PODN: variants seen among roughly 807,000 people sequenced by gnomAD.
PODN encodes podocan, also known as podocan proteoglycan.
PODN carries 40 observed loss-of-function variants against 52.7 expected under a neutral mutation model. That is an observed-to-expected ratio of 0.76 (90% confidence interval 0.59 to 0.99). PODN has a LOEUF of 0.99. Ranked by LOEUF, PODN falls within the 50% of genes least tolerant of loss-of-function variation. The pLI is 0.00. For synonymous variants in PODN, 396 were observed against 377.9 expected (o/e 1.05, Z -0.56); for missense variants, 720 against 815.1 (o/e 0.88, Z 1.42).
intron 3 of PODN, among the ~76,000 whole-genome samples, chr1:53,072,170 C>A (rs2150297563): frequency 6.6e-6 from 1 of 151,530 alleles, no homozygotes; most frequent in East Asian, 1.9e-4. Context: ...AGTTTTAAAG[C>A]ATTCACTTAC....
intron 1 of PODN, among the ~76,000 whole-genome samples, chr1:53,064,985 A>G (rs1167675014): frequency 6.6e-6 from 1 of 152,192 alleles, no homozygotes; most frequent in African/African-American, 2.4e-5. Flanking sequence ...CCTGGAGACC[A>G]GGGAGCTCCC....
At chr1:53,069,711 G>A (rs938541730) in intron 1 of PODN, 90 bp from the exon 2 acceptor site, 76 of 1,475,068 alleles carry the variant, frequency 5.2e-5, no homozygotes, top group Non-Finnish European at 6.7e-5. Context: ...GCTGGGCTCT[G>A]AGGACAGTCC....
chr1:53,082,776 C>T (rs1379546365), intron 10 of PODN, among the ~76,000 whole-genome samples: 3 of 152,194 alleles, frequency 2.0e-5, no homozygotes, highest in South Asian at 2.1e-4. Context: ...AGGCAGAACA[C>T]ACACACCACA....
intron 4 of PODN, among the ~76,000 whole-genome samples, chr1:53,075,172 A>G (rs749281961): frequency 6.6e-6 from 1 of 152,192 alleles, no homozygotes; most frequent in Non-Finnish European, 1.5e-5. Flanking sequence ...TCCCATCTGC[A>G]TCATGGCCAT....
intron 1 of PODN, among the ~76,000 whole-genome samples, chr1:53,067,398 C>A (rs562890512): frequency 2.2e-4 from 34 of 152,238 alleles, no homozygotes; most frequent in Middle Eastern, 3.4e-3. Flanking sequence ...CTGTTGTCCC[C>A]TCCAGATGGA....
intron 1 of PODN, among the ~76,000 whole-genome samples, chr1:53,062,525 TCTC>T (rs1643973089): frequency 6.6e-6 from 1 of 152,128 alleles, no homozygotes; most frequent in Non-Finnish European, 1.5e-5. Flanking sequence ...GCAGGGGCCT[TCTC>T]CTCTCTGAGC....
At chr1:53,064,119 A>G (rs1157693465) in intron 1 of PODN, among the ~76,000 whole-genome samples, 1 of 152,268 alleles carries the variant, frequency 6.6e-6, no homozygotes, top group East Asian at 1.9e-4. Flanking sequence ...CTAATTTGCA[A>G]ACTGGGGGAG....
intron 10 of PODN, 140 bp downstream of exon 10, chr1:53,082,328 T>C: frequency 8.1e-7 from 1 of 1,232,258 alleles, no homozygotes; most frequent in Admixed American, 3.3e-5. Context: ...ATAAGAGCAC[T>C]TGGGATGTAC....
At chr1:53,066,838 G>A (rs953855914) in intron 1 of PODN, 4 of 1,549,618 alleles carry the variant, frequency 2.6e-6, no homozygotes, top group Non-Finnish European at 3.5e-6. Context: ...GATACCAAAT[G>A]GAAGGCGAGG....
At chr1:53,062,651 T>C (rs949813100) in intron 1 of PODN, among the ~76,000 whole-genome samples, 7 of 151,530 alleles carry the variant, frequency 4.6e-5, no homozygotes, top group African/African-American at 1.7e-4. Context: ...ACAGGGAATG[T>C]GGGGGGCAGG....
chr1:53,081,874 G>C, intron 9 of PODN, 107 bp from the exon 10 acceptor site: 1 of 1,481,526 alleles, frequency 6.7e-7, no homozygotes, highest in Non-Finnish European at 9.0e-7. Context: ...ACCACTTTCC[G>C]GGAGGGCCAT....
Position 53,077,874 on chromosome 1 carries a change from C to T in PODN, c.854+74C>T, listed in dbSNP as rs1251847551. The T allele has an allele frequency of 5.8e-6, 7 of 1,217,232 alleles. No individual in the cohort carries two copies. The East Asian group carries it at 1.4e-4, about 25-fold the overall frequency. The allele number at this position is 1,217,232 out of a possible 1,614,324, so 75.4% of individuals were successfully genotyped here. On this transcript the variant is annotated intron_variant, in intron 7 of 10. Coordinates refer to ENST00000312553, the MANE Select transcript of PODN (RefSeq NM_153703.5). ...AGCTCCTTCAGGGCCAACCATCCAG[C>T]CCAGCCCAGCCCCTCACGCACGTCC...
At chr1:53,083,247 C>T (rs543683548) in intron 10 of PODN, among the ~76,000 whole-genome samples, 18 of 152,206 alleles carry the variant, frequency 1.2e-4, no homozygotes, top group South Asian at 4.2e-4. Context: ...GTTCAGGAAA[C>T]GCTCATTTTC....
Position 53,062,291 on chromosome 1 carries a change from G to C in PODN, c.-73G>C. The C allele has an allele frequency of 1.6e-6, 2 of 1,258,102 alleles. No homozygotes were observed. Among genetic ancestry groups the C allele is most frequent in the Non-Finnish European group, 2.0e-6 (2 of 994,428 alleles). 77.9% of individuals were successfully genotyped at this position (1,258,102 alleles called of 1,614,324 possible). A position where few individuals can be genotyped will look rare whatever the true frequency, so the allele number is the denominator to read the frequency against. The stretch of plus-strand genomic sequence containing the variant: ...GCGTTCGGCCTGTGGGGCGCCGCTC[G>C]GCGCCGGGGCGCAGCAGGTACAGGG... On this transcript the variant is annotated 5_prime_UTR_variant, in exon 1 of 11. Transcript: ENST00000312553.
intron 8 of PODN, 56 bp downstream of exon 8, chr1:53,079,078 T>TCA: frequency 1.4e-6 from 2 of 1,455,732 alleles, no homozygotes; most frequent in Non-Finnish European, 9.1e-7. Context: ...CTGGCATGGC[T>TCA]GCCCTGAGCC....
At position 53,082,882 on chromosome 1, in the gene PODN, T is replaced by C. The variant is rs562134781; in HGVS notation, c.*27+694T>C. On this transcript the variant is annotated intron_variant, in intron 10 of 10. Coordinates refer to ENST00000312553, the MANE Select transcript of PODN (RefSeq NM_153703.5). ...GTGCACACACGTGTGTACATGCATG[T>C]GAGTACATGCACACAAAACACCCAT... Among the ~76,000 whole-genome samples, 5 of 152,082 alleles carry C rather than the reference T, an allele frequency of 3.3e-5. 1 individual carries two copies. The highest frequency in any genetic ancestry group is 9.7e-5 in the African/African-American group (4 of 41,376).
rs1303373192 is a variant in PODN, at chr1:53,082,168, G to A, written c.*7G>A. The A allele has an allele frequency of 3.1e-6, 5 of 1,594,928 alleles. No individual in the cohort carries two copies. In the South Asian group the frequency reaches 4.6e-5, roughly 15 times the overall value. ...GGAAGAGGAAACAAGATAGTGACAA[G>A]GTGATGCAGATGTGACCTAGGTATG... is the stretch of plus-strand genomic sequence containing the variant. On this transcript the variant is annotated 3_prime_UTR_variant, in exon 10 of 11. Transcript: ENST00000312553.
At chr1:53,069,684 G>A (rs1557648371) in intron 1 of PODN, 117 bp from the exon 2 acceptor site, 2 of 1,404,512 alleles carry the variant, frequency 1.4e-6, no homozygotes, top group Non-Finnish European at 1.9e-6. Flanking sequence ...GGTGCGGAGG[G>A]CAGCAGTCAG....
intron 4 of PODN, 82 bp from the exon 5 acceptor site, chr1:53,075,780 C>G: frequency 1.7e-6 from 2 of 1,208,768 alleles, no homozygotes; most frequent in South Asian, 2.6e-5. Context: ...GTGAAGGGGC[C>G]CCGGTGGGCA....
Sources: allele counts gnomAD v4.1 joint callset (sites outside exome capture counted in the v4.1 genomes callset), GRCh38; gene constraint gnomAD v4.1.1; transcripts MANE v1.5; gene names NCBI Gene and HGNC (gene_info 2026-07-23, HGNC 2026-07-21).